The following EFHC1 variants were observed in gnomAD, a reference collection of about 807,000 sequenced individuals.
EFHC1 encodes the protein EF-hand domain-containing protein 1.
EFHC1 carries 53 observed loss-of-function variants against 69.9 expected under a neutral mutation model. That is an observed-to-expected ratio of 0.76 (90% CI 0.61 to 0.95). The LOEUF (loss-of-function observed/expected upper bound fraction) is 0.95, where lower values mean the gene tolerates loss of function less well. Among genes scored for constraint, EFHC1 ranks in the 40% least tolerant of loss-of-function variants. EFHC1 has a pLI of 0.00. For synonymous variants in EFHC1, 256 were observed against 278.4 expected (o/e 0.92, Z 0.80); for missense variants, 739 against 798.7 (o/e 0.93, Z 0.90).
rs1764158090 is a variant in EFHC1, at chr6:52,420,354, C to T, written c.-57C>T. 6.2e-7 allele frequency: 1 copy of T among 1,610,324 alleles called. No homozygotes were observed. The highest frequency in any genetic ancestry group is 2.2e-5 in the East Asian group (1 of 44,854). On this transcript the variant is annotated 5_prime_UTR_variant, in exon 1 of 11. Coordinates refer to ENST00000371068, the MANE Select transcript of EFHC1 (RefSeq NM_018100.4). The stretch of plus-strand genomic sequence containing the variant: ...GGTGCCCGCGAACACTGCTTGTCGC[C>T]TGGGCAACCGGAGAGGACGAAGCAG...
intron 6 of EFHC1, among the ~76,000 whole-genome samples, chr6:52,467,026 C>T (rs1004470902): frequency 6.7e-6 from 1 of 150,194 alleles, no homozygotes; most frequent in African/African-American, 2.5e-5. Context: ...TGATGCAGTA[C>T]ACAGGGGAAA....
intron 6 of EFHC1, among the ~76,000 whole-genome samples, chr6:52,465,919 G>A (rs1307663294): frequency 6.7e-6 from 1 of 148,732 alleles, no homozygotes; most frequent in Non-Finnish European, 1.5e-5. Context: ...TATATGATAG[G>A]ACACATCATA....
intron 7 of EFHC1, among the ~76,000 whole-genome samples, chr6:52,469,699 G>T (rs1581841275): frequency 6.6e-6 from 1 of 152,136 alleles, no homozygotes; most frequent in African/African-American, 2.4e-5. Flanking sequence ...TCTTTCTTAA[G>T]ATCATTAATC....
At chr6:52,457,521 C>T (rs1765070304) in intron 5 of EFHC1, among the ~76,000 whole-genome samples, 1 of 152,172 alleles carries the variant, frequency 6.6e-6, no homozygotes. Context: ...CAGAAGTCCT[C>T]TCAACCAGGG....
chr6:52,479,528 TTC>T, intron 8 of EFHC1, 110 bp from the exon 9 acceptor site: 5 of 1,501,470 alleles, frequency 3.3e-6, no homozygotes, highest in Non-Finnish European at 4.6e-6. Flanking sequence ...GCTCATTAGT[TTC>T]TGTCATAAAT....
rs150550566 is a variant in EFHC1, at chr6:52,493,365, C to CACATATATATATATATATATATATATAT, written c.*1025_*1026insCATATATATATATATATATATATATATA. ...ATAACTCTCTCTTTCTCTCTCTCTACATATATATATATATATATATTTTAT... is the reference window on the plus strand; with the variant it reads ...ATAACTCTCTCTTTCTCTCTCTCTACACATATATATATATATATATATATATATATATATATATATATATATATTTTAT... On this transcript the variant is annotated 3_prime_UTR_variant, in exon 11 of 11. Transcript: ENST00000371068. 3 of 168,614 alleles carry CACATATATATATATATATATATATATAT rather than the reference C, an allele frequency of 1.8e-5. No homozygotes were observed. The highest frequency in any genetic ancestry group is 6.5e-5 in the Admixed American group (1 of 15,330). 10.4% of individuals were successfully genotyped at this position (168,614 alleles called of 1,614,324 possible). A position where few individuals can be genotyped will look rare whatever the true frequency, so the allele number is the denominator to read the frequency against.
chr6:52,477,032 A>T (rs1490404584), intron 7 of EFHC1, among the ~76,000 whole-genome samples: 1 of 152,302 alleles, frequency 6.6e-6, no homozygotes, highest in East Asian at 1.9e-4. Flanking sequence ...TGTAAACCTC[A>T]TTCCCAATAA....
intron 10 of EFHC1, among the ~76,000 whole-genome samples, chr6:52,491,375 A>G (rs1016217599): frequency 1.3e-5 from 2 of 152,232 alleles, no homozygotes; most frequent in African/African-American, 2.4e-5. Flanking sequence ...ACAGAAAATC[A>G]GTCTGTTACC....
intron 3 of EFHC1, among the ~76,000 whole-genome samples, chr6:52,447,151 G>C (rs1764805894): frequency 6.6e-6 from 1 of 152,206 alleles, no homozygotes. Flanking sequence ...ATATCCTGCA[G>C]AATGTTTTCC....
In EFHC1 at chr6:52,438,393, T is replaced by C. The variant is rs1764582671; in HGVS notation, c.375T>C (p.Tyr125=). ...YRIRQVNIYY[Y]LEDDSMSVIE... ...TCCGTCAGGTGAACATTTACTATTA[T>C]CTAGAAGATGACAGCATGTCTGTCA... Residue 125 remains tyrosine (Y), a synonymous_variant, in exon 3 of 11, where the codon TAT becomes TAC. Transcript: ENST00000371068. 1 of 1,614,016 alleles carries C rather than the reference T, an allele frequency of 6.2e-7. No homozygotes were observed. Among genetic ancestry groups the C allele is most frequent in the Non-Finnish European group, 8.5e-7 (1 of 1,179,978 alleles).
intron 5 of EFHC1, among the ~76,000 whole-genome samples, chr6:52,459,405 G>C (rs1249924929): frequency 1.3e-5 from 2 of 152,110 alleles, no homozygotes; most frequent in Non-Finnish European, 2.9e-5. Flanking sequence ...TAAAGGATTA[G>C]AATAGATACC....
chr6:52,430,977 A>G (rs1290824887), intron 2 of EFHC1, among the ~76,000 whole-genome samples: 4 of 152,050 alleles, frequency 2.6e-5, no homozygotes, highest in African/African-American at 9.7e-5. Flanking sequence ...TTTCTAGTTT[A>G]TGTGCGTAAA....
At chr6:52,478,261 T>C (rs1765587386) in intron 7 of EFHC1, among the ~76,000 whole-genome samples, 1 of 150,912 alleles carries the variant, frequency 6.6e-6, no homozygotes, top group Non-Finnish European at 1.5e-5. Context: ...AATTTCACAC[T>C]CTGGGGACTG....
At chr6:52,466,123 C>A (rs1428164927) in intron 6 of EFHC1, among the ~76,000 whole-genome samples, 2 of 151,988 alleles carry the variant, frequency 1.3e-5, no homozygotes, top group African/African-American at 4.8e-5. Context: ...TACATGCATT[C>A]ATACAATTAA....
intron 5 of EFHC1, among the ~76,000 whole-genome samples, chr6:52,463,527 T>G (rs2114006232): frequency 6.6e-6 from 1 of 152,282 alleles, no homozygotes; most frequent in Non-Finnish European, 1.5e-5. Flanking sequence ...AGAGAAGAAC[T>G]TCTTAATTCT....
chr6:52,446,257 A>G (rs1167394540), intron 3 of EFHC1, among the ~76,000 whole-genome samples: 1 of 152,186 alleles, frequency 6.6e-6, no homozygotes. Context: ...TATTGGGTGC[A>G]TATATATTTA....
chr6:52,463,951 T>A (rs1482172878), intron 5 of EFHC1, among the ~76,000 whole-genome samples: 2 of 152,220 alleles, frequency 1.3e-5, no homozygotes, highest in Non-Finnish European at 2.9e-5. Flanking sequence ...CTTTTATGCC[T>A]GTTATAGCAG....
At chr6:52,482,769 C>T (rs1765707550) in intron 9 of EFHC1, 1 of 398,450 alleles carries the variant, frequency 2.5e-6, no homozygotes, top group African/African-American at 2.1e-5. Flanking sequence ...ACACTTTTCT[C>T]ATTTATGTTG....
intron 3 of EFHC1, among the ~76,000 whole-genome samples, chr6:52,448,319 C>T (rs917078721): frequency 3.3e-5 from 5 of 152,224 alleles, no homozygotes; most frequent in Non-Finnish European, 7.3e-5. Flanking sequence ...TTCAATCTCA[C>T]GCTGCTGTGC....
Sources: allele counts gnomAD v4.1 joint callset (sites outside exome capture counted in the v4.1 genomes callset), GRCh38; gene constraint gnomAD v4.1.1; transcripts MANE v1.5; gene names NCBI Gene and HGNC (gene_info 2026-07-23, HGNC 2026-07-21).